The following FGF14 variants were observed in gnomAD, a reference collection of about 807,000 sequenced individuals.
The protein encoded by FGF14 is fibroblast growth factor 14.
Under a neutral mutation model 25.5 loss-of-function variants are expected in FGF14, and 5 were observed. The ratio of observed to expected loss-of-function variants is 0.20; its 90% CI spans 0.10 to 0.41. The LOEUF (loss-of-function observed/expected upper bound fraction) is 0.41. Ranked by LOEUF, FGF14 falls within the 10% of genes least tolerant of loss-of-function variation. The probability of loss-of-function intolerance (pLI) is 1.00; values close to 1 mark genes in which losing one functional copy is unlikely to be tolerated. For missense variants in FGF14, 222 were observed against 320.1 expected (o/e 0.69, Z 2.34); for synonymous variants, 138 against 118.3 (o/e 1.17, Z -1.08).
At chr13:102,077,242 A>G (rs2043406298) in intron 1 of FGF14, among the ~76,000 whole-genome samples, 1 of 152,172 alleles carries the variant, frequency 6.6e-6, no homozygotes, top group Non-Finnish European at 1.5e-5. Flanking sequence ...CCGGGCAATA[A>G]CATTTTGGAT....
intron 2 of FGF14, among the ~76,000 whole-genome samples, chr13:101,872,873 C>G (rs1201394955): frequency 6.6e-6 from 1 of 151,994 alleles, no homozygotes; most frequent in Non-Finnish European, 1.5e-5. Context: ...TTGAGCCCCT[C>G]GAGTGTGGGC....
chr13:102,389,991 G>A (rs377194704), intron 1 of FGF14, among the ~76,000 whole-genome samples: 11 of 152,138 alleles, frequency 7.2e-5, no homozygotes, highest in African/African-American at 1.7e-4. Context: ...AGGAGTTTCC[G>A]GTTTAAAAAA....
intron 1 of FGF14, among the ~76,000 whole-genome samples, chr13:102,337,512 G>T (rs1230757459): frequency 6.6e-6 from 1 of 152,140 alleles, no homozygotes; most frequent in South Asian, 2.1e-4. Context: ...GAGTGTTGTT[G>T]AAACAACAAT....
chr13:101,975,697 G>C (rs2037880521), intron 1 of FGF14, among the ~76,000 whole-genome samples: 1 of 152,176 alleles, frequency 6.6e-6, no homozygotes. Context: ...CTGAAACATA[G>C]GCCTTCTTGG....
At position 102,400,268 on chromosome 13, in the gene FGF14, C is replaced by T. The variant is rs2139290668; in HGVS notation, c.208+1203G>A. On this transcript the variant is annotated intron_variant, in intron 1 of 4. Transcript: ENST00000376131. This position sits in a 1 kb window ranked among gnomAD's most constrained non-coding sequence, Gnocchi z 4.3. ...CCGTGGAGAGCCATGATCTACTGCA[C>T]CGCAGTGCCAGCGTCAGGAGCTTCC... Among the ~76,000 whole-genome samples the T allele has an allele frequency of 6.6e-6, 1 of 152,314 alleles. No homozygotes were observed. The highest frequency in any genetic ancestry group is 2.1e-4 in the South Asian group (1 of 4,832).
intron 1 of FGF14, among the ~76,000 whole-genome samples, chr13:101,946,978 C>G (rs2035851032): frequency 6.6e-6 from 1 of 152,106 alleles, no homozygotes; most frequent in Admixed American, 6.5e-5. Context: ...CCACTTAATG[C>G]TGAGATTCTC....
intron 1 of FGF14, among the ~76,000 whole-genome samples, chr13:101,977,847 TTTTC>T (rs1410732618): frequency 6.6e-6 from 1 of 152,104 alleles, no homozygotes; most frequent in Non-Finnish European, 1.5e-5. Context: ...TGAATTTGGG[TTTTC>T]TTTAACTTAC....
intron 1 of FGF14, among the ~76,000 whole-genome samples, chr13:102,042,995 C>T (rs1056363858): frequency 6.6e-6 from 1 of 152,068 alleles, no homozygotes; most frequent in Non-Finnish European, 1.5e-5. Context: ...CTAAAAAATA[C>T]GAATTTACCA....
intron 1 of FGF14, among the ~76,000 whole-genome samples, chr13:102,281,966 G>A (rs570194478): frequency 1.3e-5 from 2 of 151,990 alleles, no homozygotes; most frequent in East Asian, 3.9e-4. Context: ...TGTCCGTACT[G>A]CAAATGCAGC....
chr13:102,003,599 T>C (rs2039620168), intron 1 of FGF14, among the ~76,000 whole-genome samples: 1 of 152,106 alleles, frequency 6.6e-6, no homozygotes, highest in Admixed American at 6.6e-5. Flanking sequence ...GTTTGAGTTT[T>C]TGTTGTTGTT....
intron 1 of FGF14, among the ~76,000 whole-genome samples, chr13:102,037,697 T>C (rs187816919): frequency 9.7e-4 from 147 of 152,278 alleles, no homozygotes; most frequent in African/African-American, 3.3e-3. Flanking sequence ...TGTTAATAAT[T>C]GTCTTGTTTC....
At chr13:101,832,672 T>G (rs1032436725) in intron 3 of FGF14, among the ~76,000 whole-genome samples, 10 of 151,894 alleles carry the variant, frequency 6.6e-5, no homozygotes, top group African/African-American at 2.4e-4. Context: ...AAATTATCCC[T>G]CCCTACCCCG....
chr13:102,002,778 GA>G (rs2039568258), intron 1 of FGF14: 1 of 152,154 alleles, frequency 6.6e-6, no homozygotes, highest in East Asian at 1.9e-4. Context: ...AACTATTTTG[GA>G]AAAGGATCTC....
rs61965562 is a variant in FGF14, at chr13:102,299,176, C to A, written c.208+102295G>T. 3.0e-3 allele frequency among the ~76,000 whole-genome samples: 452 copies of A among 152,184 alleles called. 1 individual carries two copies. Among genetic ancestry groups the A allele is most frequent in the Non-Finnish European group, 3.8e-3 (255 of 67,982 alleles). ...AGAATAGCAAGATGCTCCAAGGATA[C>A]AACAAATGAAATTCAACGGTTATTT... On this transcript the variant is annotated intron_variant, in intron 1 of 4. Coordinates refer to the FGF14 transcript ENST00000376131.
chr13:101,956,181 C>G (rs544586291), intron 1 of FGF14, among the ~76,000 whole-genome samples: 1 of 152,194 alleles, frequency 6.6e-6, no homozygotes, highest in African/African-American at 2.4e-5. Flanking sequence ...AAATCTCTAC[C>G]CAAGTAAAGA....
chr13:101,714,413 T>C lies in FGF14; in HGVS notation c.*8418A>G. 1 of 1,286,016 alleles carries C rather than the reference T, an allele frequency of 7.8e-7. No homozygotes were observed. Among genetic ancestry groups the C allele is most frequent in the Non-Finnish European group, 1.1e-6 (1 of 881,412 alleles). The allele number at this position is 1,286,016 out of a possible 1,614,324, so 79.7% of individuals were successfully genotyped here. On this transcript the variant is annotated 3_prime_UTR_variant, in exon 5 of 5. Transcript: ENST00000376143. Reference sequence around the variant, plus strand: ...GAAACCTTTAGTTATAAGGTGATGGTGAGTAATAGCCTTTGTAATTTCAGG... The same window carrying C: ...GAAACCTTTAGTTATAAGGTGATGGCGAGTAATAGCCTTTGTAATTTCAGG...
rs1238845527 is a variant in FGF14, at chr13:102,161,562, CTGT to C, written c.208+239906_208+239908del. ...CAATATTCTCTATGCAACCAACTTTCTGTGAAGAAAGAAAGAAGAAGAAGAAGA... is the reference window on the plus strand; with the variant it reads ...CAATATTCTCTATGCAACCAACTTTCGAAGAAAGAAAGAAGAAGAAGAAGA... On this transcript the variant is annotated intron_variant, in intron 1 of 4. Transcript: ENST00000376131. Among the ~76,000 whole-genome samples the C allele has an allele frequency of 1.4e-3, 6 of 4,358 alleles. No individual in the cohort carries two copies. In the South Asian group the frequency reaches 0.047, roughly 34 times the overall value. The allele number at this position is 4,358 out of a possible 152,430, so 2.9% of individuals were successfully genotyped here.
chr13:102,188,306 T>C (rs923924283), intron 1 of FGF14, among the ~76,000 whole-genome samples: 3 of 152,130 alleles, frequency 2.0e-5, no homozygotes, highest in Non-Finnish European at 2.9e-5. Flanking sequence ...CAACAGATAA[T>C]GACAGAGAGA....
At chr13:102,161,717 A>C (rs529007147) in intron 1 of FGF14, among the ~76,000 whole-genome samples, 1 of 150,362 alleles carries the variant, frequency 6.7e-6, no homozygotes, top group Non-Finnish European at 1.5e-5. Context: ...AAGAAGAAGA[A>C]GAAGAAGAAT....
Sources: allele counts gnomAD v4.1 joint callset (sites outside exome capture counted in the v4.1 genomes callset), GRCh38; gene constraint gnomAD v4.1.1; non-coding constraint Gnocchi (gnomAD v3.1); transcripts MANE v1.5; gene names NCBI Gene and HGNC (gene_info 2026-07-23, HGNC 2026-07-21).